ANKRD12: variants seen among roughly 807,000 people sequenced by gnomAD.
The protein encoded by ANKRD12 is ankyrin repeat domain 12.
In ANKRD12, 85 loss-of-function variants were observed where a neutral mutation model predicts 183.4. The observed-to-expected ratio is 0.46, with a 90% confidence interval of 0.39 to 0.56. ANKRD12 has a LOEUF of 0.56. Ranked by LOEUF, ANKRD12 falls within the 20% of genes least tolerant of loss-of-function variation. ANKRD12 has a pLI of 0.00. For missense variants in ANKRD12, 2,405 were observed against 2,357.1 expected, an observed-to-expected ratio of 1.02 and a Z score of -0.42; for synonymous variants, 914 against 800.2, an observed-to-expected ratio of 1.14 and a Z score of -2.40.
chr18:9,248,282 G>A (rs183700109), intron 8 of ANKRD12, among the ~76,000 whole-genome samples: 47 of 152,160 alleles, frequency 3.1e-4, no homozygotes, highest in African/African-American at 1.1e-3. Context: ...CATGAACATC[G>A]GACTTCTTTT....
chr18:9,226,672 C>G (rs554562723), intron 8 of ANKRD12, among the ~76,000 whole-genome samples: 43 of 151,000 alleles, frequency 2.8e-4, no homozygotes, highest in African/African-American at 1.1e-3. Context: ...GTAGAGAAAT[C>G]CAGCAGCACC....
At chr18:9,233,129 G>A (rs978501670) in intron 8 of ANKRD12, among the ~76,000 whole-genome samples, 1 of 152,060 alleles carries the variant, frequency 6.6e-6, no homozygotes, top group African/African-American at 2.4e-5. Context: ...TGTGATTACA[G>A]ATGTGAGCCA....
chr18:9,263,308 C>G (rs1038781247), intron 9 of ANKRD12, among the ~76,000 whole-genome samples: 3 of 152,180 alleles, frequency 2.0e-5, no homozygotes, highest in Non-Finnish European at 4.4e-5. Context: ...AAAACAATTT[C>G]TCAGACCATT....
Position 9,236,034 on chromosome 18 carries a change from G to T in ANKRD12, c.943+14035G>T, listed in dbSNP as rs550819154. ...ATATGTTTTCTATGCTTTTGAGAAG[G>T]GACCAGCAATAGTGATAGTTCTTTT... On this transcript the variant is annotated intron_variant, in intron 8 of 12. Transcript: ENST00000262126. Among the ~76,000 whole-genome samples the T allele has an allele frequency of 3.3e-5, 5 of 151,922 alleles. No homozygotes were observed. In the South Asian group the frequency reaches 1.0e-3, roughly 32 times the overall value.
chr18:9,199,541 A>G (rs2035047604), intron 3 of ANKRD12, among the ~76,000 whole-genome samples: 1 of 152,196 alleles, frequency 6.6e-6, no homozygotes, highest in East Asian at 1.9e-4. Flanking sequence ...AAAAAAGGGT[A>G]GGGAATAAGG....
Position 9,258,008 on chromosome 18 carries a change from A to G in ANKRD12, c.4741A>G (p.Thr1581Ala), listed in dbSNP as rs763880205. 6.2e-7 allele frequency: 1 copy of G among 1,613,784 alleles called. No homozygotes were observed. ...EASPNFEKAY[T>A]LPVLPSEKDF... is the part of the protein sequence containing the mutation. ...ATCACCAAACTTTGAGAAAGCTTAT[A>G]CTTTACCTGTGTTACCATCAGAAAA... Residue 1581 changes from threonine (T) to alanine (A), a missense_variant, in exon 9 of 13, where the codon ACT (threonine) becomes GCT (alanine). Physicochemically the swap from Thr to Ala is moderately conservative, Grantham distance 58. Coordinates refer to ENST00000262126, the MANE Select transcript of ANKRD12 (RefSeq NM_015208.5).
intron 1 of ANKRD12, among the ~76,000 whole-genome samples, chr18:9,156,615 G>A (rs576425243): frequency 1.3e-5 from 2 of 152,254 alleles, no homozygotes; most frequent in Admixed American, 6.5e-5. Context: ...TAAAAGCAAA[G>A]GAAGGATTTA....
chr18:9,148,001 A>G (rs2078549974), intron 1 of ANKRD12, among the ~76,000 whole-genome samples: 1 of 152,230 alleles, frequency 6.6e-6, no homozygotes, highest in Non-Finnish European at 1.5e-5. Flanking sequence ...TAGAACCTGT[A>G]AACTTTTTCC....
rs375190175 is a variant in ANKRD12, at chr18:9,246,054, A to G, written c.944-8157A>G. Among the ~76,000 whole-genome samples, 87 of 152,360 alleles carry G rather than the reference A, an allele frequency of 5.7e-4. 1 individual carries two copies. Among genetic ancestry groups the G allele is most frequent in the South Asian group, 1.7e-3 (8 of 4,832 alleles). On this transcript the variant is annotated intron_variant, in intron 8 of 12. Coordinates refer to ENST00000262126, the MANE Select transcript of ANKRD12 (RefSeq NM_015208.5). Reference sequence around the variant, plus strand: ...CATAGTGGTATTCTAGACATGTAAGATGGACATAGATGAATGAGACAATTT... The same window carrying G: ...CATAGTGGTATTCTAGACATGTAAGGTGGACATAGATGAATGAGACAATTT...
chr18:9,152,007 A>G (rs534936056), intron 1 of ANKRD12, among the ~76,000 whole-genome samples: 2 of 152,348 alleles, frequency 1.3e-5, no homozygotes, highest in South Asian at 2.1e-4. Context: ...ACTTGAGGCC[A>G]TGAGTTTGTG....
At chr18:9,194,104 T>C (rs2034625046) in intron 2 of ANKRD12, among the ~76,000 whole-genome samples, 1 of 152,188 alleles carries the variant, frequency 6.6e-6, no homozygotes, top group South Asian at 2.1e-4. Flanking sequence ...CTGTGATCCT[T>C]ACATATTTTC....
chr18:9,166,481 G>C (rs1336684895), intron 1 of ANKRD12, among the ~76,000 whole-genome samples: 1 of 152,130 alleles, frequency 6.6e-6, no homozygotes, highest in East Asian at 1.9e-4. Context: ...GTGATGATGA[G>C]CATTTTTTCA....
chr18:9,242,872 A>G lies in ANKRD12; in HGVS notation c.944-11339A>G, dbSNP rs777758951. Among the ~76,000 whole-genome samples, 8 of 152,184 alleles carry G rather than the reference A, an allele frequency of 5.3e-5. 1 individual carries two copies. The highest frequency in any genetic ancestry group is 3.8e-4 in the East Asian group (2 of 5,200). ...TAATCTCTTACCAATATGTAATACT[A>G]TAGTAATACAATGAAAATAAGTTCT... On this transcript the variant is annotated intron_variant, in intron 8 of 12. Coordinates refer to ENST00000262126, the MANE Select transcript of ANKRD12 (RefSeq NM_015208.5).
At chr18:9,138,274 A>G (rs1426452956) in intron 1 of ANKRD12, among the ~76,000 whole-genome samples, 1 of 152,236 alleles carries the variant, frequency 6.6e-6, no homozygotes, top group Non-Finnish European at 1.5e-5. Context: ...GCACTTTGGG[A>G]GGCCGACGTG....
At position 9,256,089 on chromosome 18, in the gene ANKRD12, G is replaced by C; in HGVS notation, c.2822G>C (p.Ser941Thr). The C allele has an allele frequency of 6.4e-7, 1 of 1,563,082 alleles. No homozygotes were observed. Among genetic ancestry groups the C allele is most frequent in the Non-Finnish European group, 8.6e-7 (1 of 1,161,750 alleles). The change falls in exon 9 of 13, where the codon AGT becomes ACT. Residue 941 changes from serine to threonine, a missense_variant. Around this residue, in one of 7 missense-constraint regions of ANKRD12, gnomAD observed 1,983 missense variants for 1,725.9 expected, o/e 1.15. Transcript: ENST00000262126. ...MEKKNKQSDN[S>T]EYSKSEKGKN... ...AAAAAAAATAAACAATCAGATAATA[G>C]TGAATACAGTAAATCAGAAAAAGGC...
chr18:9,218,658 C>A (rs1001599119), intron 7 of ANKRD12, among the ~76,000 whole-genome samples: 3 of 143,260 alleles, frequency 2.1e-5, no homozygotes, highest in Non-Finnish European at 4.6e-5. Flanking sequence ...TAAAACACTT[C>A]TTTTTTCTTT....
At chr18:9,178,333 C>CTG (rs367903012) in intron 1 of ANKRD12, among the ~76,000 whole-genome samples, 4,340 of 89,298 alleles carry the variant, frequency 0.049, 73 homozygotes, top group Non-Finnish European at 0.066. Context: ...CTCTCTCTCT[C>CTG]TCTCTCTCTC....
At position 9,241,420 on chromosome 18, in the gene ANKRD12, G is replaced by A. The variant is rs187392537; in HGVS notation, c.944-12791G>A. ...TTTATTAGATAATAGTTCAAGTCTC[G>A]TACAAAAAAATTGCAATCCATTAGT... is the stretch of plus-strand genomic sequence containing the variant. On this transcript the variant is annotated intron_variant, in intron 8 of 12. Coordinates refer to ENST00000262126, the MANE Select transcript of ANKRD12 (RefSeq NM_015208.5). Among the ~76,000 whole-genome samples the A allele has an allele frequency of 1.1e-3, 173 of 152,030 alleles. 2 individuals are homozygous for A. The highest frequency in any genetic ancestry group is 3.9e-3 in the African/African-American group (163 of 41,466).
intron 2 of ANKRD12, among the ~76,000 whole-genome samples, chr18:9,189,964 T>G (rs958200899): frequency 6.6e-6 from 1 of 152,232 alleles, no homozygotes; most frequent in African/African-American, 2.4e-5. Context: ...TAAAGAAGTA[T>G]GCTTTGTAAG....
Sources: gnomAD v4.1 joint callset for allele counts (sites outside exome capture counted in the v4.1 genomes callset) on GRCh38, gnomAD v4.1.1 for gene constraint, gnomAD v4.1.1 regional missense constraint, MANE v1.5 for transcripts, NCBI Gene and HGNC (gene_info 2026-07-23, HGNC 2026-07-21) for gene names.